HUWE1: variants seen among roughly 807,000 people sequenced by gnomAD.
HUWE1 encodes the protein HECT, UBA and WWE domain containing E3 ubiquitin protein ligase 1, also known as E3 ubiquitin-protein ligase HUWE1.
HUWE1 carries 18 observed loss-of-function variants against 299.4 expected under a neutral mutation model. That is an observed-to-expected ratio of 0.06 (90% confidence interval 0.04 to 0.09). HUWE1 has a LOEUF of 0.09. Among genes scored for constraint, HUWE1 ranks in the 10% least tolerant of loss-of-function variants. HUWE1 has a pLI of 1.00. For missense variants in HUWE1, 1,832 were observed against 3,462.3 expected, an observed-to-expected ratio of 0.53 and a Z score of 11.82; for synonymous variants, 1,317 against 1,286.1, an observed-to-expected ratio of 1.02 and a Z score of -0.51.
At chrX:53,592,135 T>G (rs2064198388) in intron 33 of HUWE1, among the ~76,000 whole-genome samples, 1 of 112,129 alleles carries the variant, frequency 8.9e-6, no homozygotes, top group South Asian at 3.7e-4. Context: ...CTGAGGACAG[T>G]TTGCCTCCAC....
chrX:53,658,043 C>A (rs1603260778), intron 3 of HUWE1, among the ~76,000 whole-genome samples: 1 of 302 alleles, frequency 3.3e-3, no homozygotes. Flanking sequence ...AAGCAAGACT[C>A]CGTCTCAAAA....
chrX:53,652,360 T>C (rs2068527003), intron 4 of HUWE1, among the ~76,000 whole-genome samples: 1 of 112,016 alleles, frequency 8.9e-6, no homozygotes, highest in South Asian at 3.7e-4. Context: ...CGCAATATAA[T>C]AGTCCCACAT....
intron 25 of HUWE1, among the ~76,000 whole-genome samples, chrX:53,607,129 C>G (rs1178996089): frequency 9.0e-6 from 1 of 111,228 alleles, no homozygotes; most frequent in Non-Finnish European, 1.9e-5. Context: ...GCTTAAAATA[C>G]ATGACTACCA....
chrX:53,627,657 G>C, intron 16 of HUWE1, 82 bp downstream of exon 16: 1 of 958,713 alleles, frequency 1.0e-6, no homozygotes. Context: ...CTGTAAGATC[G>C]CTCTTTAGGG....
chrX:53,660,394 A>G (rs7880223), intron 3 of HUWE1, among the ~76,000 whole-genome samples: 21,376 of 112,275 alleles, frequency 0.19, 4,713 homozygotes, highest in African/African-American at 0.65. Context: ...AAATGTTCCC[A>G]TAACAAGTGC....
Position 53,546,832 on chromosome X carries a change from G to C in HUWE1, c.10637-7C>G. 8.3e-7 allele frequency: 1 copy of C among 1,202,825 alleles called. No individual in the cohort carries two copies. On this transcript the variant is annotated splice_region_variant and splice_polypyrimidine_tract_variant and intron_variant, in intron 68 of 83. Transcript: ENST00000262854. ...CCCTTAGTAGTGGGAGAAACTTTGAGGAAACAGACAGAACACTGTAAGCCT... is the reference window on the plus strand; with the variant it reads ...CCCTTAGTAGTGGGAGAAACTTTGACGAAACAGACAGAACACTGTAAGCCT...
At position 53,664,229 on chromosome X, in the gene HUWE1, C is replaced by G. The variant is rs782699791; in HGVS notation, c.-24-10098G>C. On this transcript the variant is annotated intron_variant, in intron 3 of 83. Coordinates refer to ENST00000262854, the MANE Select transcript of HUWE1 (RefSeq NM_031407.7). Reference sequence around the variant, plus strand: ...CCACGCCTGGCTAATTTTTATATTTCTTGTACAGACAGGGTTTTCGCCATG... The same window carrying G: ...CCACGCCTGGCTAATTTTTATATTTGTTGTACAGACAGGGTTTTCGCCATG... 9.9e-5 allele frequency among the ~76,000 whole-genome samples: 11 copies of G among 111,077 alleles called. 1 individual carries two copies. In the South Asian group the frequency reaches 4.2e-3, roughly 42 times the overall value.
chrX:53,650,732 C>T (rs1374672292), intron 4 of HUWE1, among the ~76,000 whole-genome samples: 1 of 111,651 alleles, frequency 9.0e-6, no homozygotes, highest in African/African-American at 3.3e-5. Context: ...CATAATAGTA[C>T]CTAGCATTGA....
intron 55 of HUWE1, 89 bp from the exon 56 acceptor site, chrX:53,560,505 T>G: frequency 1.3e-6 from 1 of 791,127 alleles, no homozygotes; most frequent in Non-Finnish European, 1.9e-6. Flanking sequence ...GGGCCTTACT[T>G]CCTCACACGG....
At chrX:53,551,223 T>G in intron 64 of HUWE1, 34 bp from the exon 65 acceptor site, 1 of 1,211,091 alleles carries the variant, frequency 8.3e-7, no homozygotes, top group Non-Finnish European at 1.1e-6. Flanking sequence ...AGGGCATTTC[T>G]CCTGCCAGGC....
intron 31 of HUWE1, among the ~76,000 whole-genome samples, chrX:53,593,848 C>G (rs2064296121): frequency 8.9e-6 from 1 of 112,059 alleles, no homozygotes; most frequent in Non-Finnish European, 1.9e-5. Flanking sequence ...CCTGTAATCC[C>G]AGCACTTTGG....
intron 7 of HUWE1, among the ~76,000 whole-genome samples, chrX:53,636,992 A>C (rs1453826372): frequency 8.9e-6 from 1 of 112,115 alleles, no homozygotes; most frequent in Admixed American, 9.4e-5. Flanking sequence ...GCAGCATACA[A>C]CCATGCAGTT....
At chrX:53,548,873 C>G (rs782344278) in intron 67 of HUWE1, 86 bp downstream of exon 67, 1 of 806,247 alleles carries the variant, frequency 1.2e-6, no homozygotes, top group Non-Finnish European at 1.8e-6. Context: ...CAAAAAGACA[C>G]GCTAGCCTGC....
intron 30 of HUWE1, among the ~76,000 whole-genome samples, 159 bp downstream of exon 30, chrX:53,595,028 C>A (rs1484421573): frequency 1.8e-5 from 2 of 111,936 alleles, no homozygotes; most frequent in Admixed American, 1.9e-4. Flanking sequence ...GTACTAGGTA[C>A]AACCAAAACA....
intron 4 of HUWE1, among the ~76,000 whole-genome samples, chrX:53,650,900 G>A (rs1248159574): frequency 2.7e-5 from 3 of 111,582 alleles, no homozygotes; most frequent in Non-Finnish European, 5.6e-5. Flanking sequence ...CCAGAAATCA[G>A]TATATGACTC....
At chrX:53,646,540 T>C (rs1268168446) in intron 6 of HUWE1, among the ~76,000 whole-genome samples, 2 of 111,919 alleles carry the variant, frequency 1.8e-5, no homozygotes, top group African/African-American at 6.5e-5. Context: ...GTAATATAGC[T>C]AGAAATGAAC....
chrX:53,628,144 T>C (rs781981872), intron 15 of HUWE1, among the ~76,000 whole-genome samples: 3 of 111,229 alleles, frequency 2.7e-5, no homozygotes, highest in Non-Finnish European at 5.7e-5. Context: ...GCCCTGCACA[T>C]AGTAAAGGCT....
chrX:53,603,229 A>T, intron 27 of HUWE1, 139 bp downstream of exon 27: 1 of 565,093 alleles, frequency 1.8e-6, no homozygotes, highest in Admixed American at 3.1e-5. Context: ...ATTTGTCATC[A>T]AGTTCCTAGG....
intron 19 of HUWE1, among the ~76,000 whole-genome samples, chrX:53,619,510 G>A (rs2065993899): frequency 9.5e-6 from 1 of 105,397 alleles, no homozygotes; most frequent in African/African-American, 3.5e-5. Flanking sequence ...CCAGCTGTGT[G>A]TGGAACCAAG....
Sources: gnomAD v4.1 joint callset for allele counts (sites outside exome capture counted in the v4.1 genomes callset) on GRCh38, gnomAD v4.1.1 for gene constraint, MANE v1.5 for transcripts, NCBI Gene and HGNC (gene_info 2026-07-23, HGNC 2026-07-21) for gene names.